Variants in SEMA3E observed in about 807,000 individuals in gnomAD.
SEMA3E encodes the protein semaphorin-3E.
Under a neutral mutation model 93.6 loss-of-function variants are expected in SEMA3E, and 49 were observed. The observed-to-expected ratio is 0.52, with a 90% CI of 0.42 to 0.66. The LOEUF is 0.66. SEMA3E is among the 30% of genes least tolerant of loss of function. The pLI, the probability that SEMA3E is intolerant of heterozygous loss-of-function variation, is 0.00. For missense variants in SEMA3E, 906 were observed against 964.8 expected (o/e 0.94, Z 0.81); for synonymous variants, 363 against 330.7 (o/e 1.10, Z -1.06).
intron 1 of SEMA3E, among the ~76,000 whole-genome samples, chr7:83,597,034 G>A (rs182610836): frequency 1.3e-5 from 2 of 152,200 alleles, no homozygotes; most frequent in Non-Finnish European, 2.9e-5. Context: ...TTGACAGTTA[G>A]ACCAACGGAA....
chr7:83,428,264 A>G (rs559846428), intron 4 of SEMA3E, among the ~76,000 whole-genome samples: 1 of 152,336 alleles, frequency 6.6e-6, no homozygotes, highest in South Asian at 2.1e-4. Flanking sequence ...TCATGAACTA[A>G]TACTCTTTTG....
At position 83,366,688 on chromosome 7, in the gene SEMA3E, GTTAT is replaced by G. The variant is rs996145333; in HGVS notation, c.*894_*897del. ...AAGGATTAACATGTTTTTTATTTCA[GTTAT>G]TTGTTTCTGCAAATGAACTTGATGT... On this transcript the variant is annotated 3_prime_UTR_variant, in exon 17 of 17. Coordinates refer to ENST00000643230, the MANE Select transcript of SEMA3E (RefSeq NM_012431.3). The G allele has an allele frequency of 5.3e-5, 8 of 151,936 alleles. No homozygotes were observed. Among genetic ancestry groups the G allele is most frequent in the African/African-American group, 1.9e-4 (8 of 41,362 alleles). The allele number at this position is 151,936 out of a possible 1,614,324, so 9.4% of individuals were successfully genotyped here.
chr7:83,569,400 A>AT (rs780098937), intron 1 of SEMA3E, among the ~76,000 whole-genome samples: 1 of 152,142 alleles, frequency 6.6e-6, no homozygotes, highest in Non-Finnish European at 1.5e-5. Context: ...ATACTAAAAT[A>AT]TTAAATGGTC....
chr7:83,382,820 C>A (rs2709878), intron 16 of SEMA3E, among the ~76,000 whole-genome samples: 147,732 of 151,850 alleles, frequency 0.97, 71,994 homozygotes, highest in East Asian at 1. Flanking sequence ...AGTCTATAAA[C>A]TGCATATTTG....
rs771244074 is a variant in SEMA3E at position 83,648,433 on chromosome 7, T to C, written c.110A>G (p.His37Arg). 2 of 1,602,792 alleles carry C rather than the reference T, an allele frequency of 1.2e-6. No homozygotes were observed. The highest frequency in any genetic ancestry group is 3.3e-5 in the Admixed American group (2 of 59,898). The change falls in exon 1 of 17, where the codon CAT becomes CGT. Residue 37 changes from histidine to arginine, a missense_variant. By Grantham distance (29) the His-to-Arg change is conservative (BLOSUM62 0). Coordinates refer to ENST00000643230, the MANE Select transcript of SEMA3E (RefSeq NM_012431.3). The part of the protein sequence containing the change: ...DTTHPRLRLS[H>R]KELLNLNRTS... ...GATCTGGAAAGGTAACCTACCTTTATGTGACAGGCGTAACCGGGGGTGGGT... is the reference window on the plus strand; with the variant it reads ...GATCTGGAAAGGTAACCTACCTTTACGTGACAGGCGTAACCGGGGGTGGGT...
intron 2 of SEMA3E, among the ~76,000 whole-genome samples, chr7:83,484,216 C>G (rs1641306895): frequency 6.6e-6 from 1 of 151,998 alleles, no homozygotes; most frequent in Non-Finnish European, 1.5e-5. Flanking sequence ...TTTCACTGAC[C>G]ACTCTCGCCT....
At chr7:83,481,392 C>T (rs1790143142) in intron 2 of SEMA3E, among the ~76,000 whole-genome samples, 1 of 152,026 alleles carries the variant, frequency 6.6e-6, no homozygotes, top group South Asian at 2.1e-4. Context: ...AAAACAAAAA[C>T]ACGTTTTTTT....
At chr7:83,493,550 A>G (rs544637931) in intron 1 of SEMA3E, among the ~76,000 whole-genome samples, 15 of 152,058 alleles carry the variant, frequency 9.9e-5, no homozygotes, top group African/African-American at 3.6e-4. Flanking sequence ...CATTTTTTAA[A>G]TTTATAAACC....
At chr7:83,541,443 C>T (rs76841210) in intron 1 of SEMA3E, among the ~76,000 whole-genome samples, 13,542 of 152,082 alleles carry the variant, frequency 0.089, 856 homozygotes, top group South Asian at 0.23. Flanking sequence ...GGAGATGTTT[C>T]GCAGGGTGGA....
chr7:83,641,387 A>C, intron 1 of SEMA3E: 1 of 985,466 alleles, frequency 1.0e-6, no homozygotes, highest in Non-Finnish European at 1.2e-6. Flanking sequence ...CCAAGTAAAC[A>C]ACACATGCTG....
chr7:83,458,514 C>A (rs1789539768), intron 4 of SEMA3E, among the ~76,000 whole-genome samples: 2 of 151,702 alleles, frequency 1.3e-5, no homozygotes, highest in African/African-American at 4.8e-5. Flanking sequence ...TGGTATGTAC[C>A]CTTATAAATT....
At chr7:83,623,952 C>A (rs1453311998) in intron 1 of SEMA3E, among the ~76,000 whole-genome samples, 3 of 151,340 alleles carry the variant, frequency 2.0e-5, no homozygotes, top group Admixed American at 2.0e-4. Flanking sequence ...TCAACTCCCA[C>A]TTATGAGTGA....
chr7:83,420,778 A>G (rs1202280183), intron 4 of SEMA3E, among the ~76,000 whole-genome samples: 1 of 152,244 alleles, frequency 6.6e-6, no homozygotes, highest in Non-Finnish European at 1.5e-5. Flanking sequence ...CATACGCAGA[A>G]GAATGAAATG....
chr7:83,573,565 A>C, intron 1 of SEMA3E, among the ~76,000 whole-genome samples: 1 of 152,094 alleles, frequency 6.6e-6, no homozygotes, highest in East Asian at 1.9e-4. Context: ...TAAAAATAAC[A>C]GGAGGATAAA....
intron 1 of SEMA3E, among the ~76,000 whole-genome samples, chr7:83,577,426 A>G (rs965968222): frequency 6.6e-6 from 1 of 152,234 alleles, no homozygotes; most frequent in African/African-American, 2.4e-5. Flanking sequence ...AAATGCTACC[A>G]GAGGGCATAA....
At chr7:83,549,537 C>T (rs1365757793) in intron 1 of SEMA3E, among the ~76,000 whole-genome samples, 1 of 151,962 alleles carries the variant, frequency 6.6e-6, no homozygotes, top group Non-Finnish European at 1.5e-5. Flanking sequence ...TTGAATGGAA[C>T]CTGTGCTCAT....
chr7:83,496,257 A>G (rs1024916379), intron 1 of SEMA3E, among the ~76,000 whole-genome samples: 2 of 152,016 alleles, frequency 1.3e-5, no homozygotes, highest in Admixed American at 6.6e-5. Context: ...TCTAAATATT[A>G]TTTTAAAAAT....
chr7:83,398,418 A>G (rs1355244562), intron 11 of SEMA3E, among the ~76,000 whole-genome samples: 4 of 152,200 alleles, frequency 2.6e-5, no homozygotes, highest in African/African-American at 9.6e-5. Flanking sequence ...AAATATTAGT[A>G]TTGATTATGC....
At chr7:83,477,759 C>A (rs182694876) in intron 2 of SEMA3E, among the ~76,000 whole-genome samples, 101 of 151,994 alleles carry the variant, frequency 6.6e-4, no homozygotes, top group African/African-American at 2.2e-3. Flanking sequence ...TACATAAATG[C>A]CTTTCTTCTA....
Sources: allele counts gnomAD v4.1 joint callset (sites outside exome capture counted in the v4.1 genomes callset), GRCh38; gene constraint gnomAD v4.1.1; transcripts MANE v1.5; gene names NCBI Gene and HGNC (gene_info 2026-07-23, HGNC 2026-07-21).